AUH: variants seen among roughly 807,000 people sequenced by gnomAD.
AUH encodes AU RNA binding methylglutaconyl-CoA hydratase.
AUH carries 29 observed loss-of-function variants against 42.3 expected under a neutral mutation model. The observed-to-expected ratio is 0.69, with a 90% CI of 0.51 to 0.93. The LOEUF (loss-of-function observed/expected upper bound fraction) is 0.93. Among genes scored for constraint, AUH ranks in the 40% least tolerant of loss-of-function variants. The probability of loss-of-function intolerance (pLI) is 0.00; values close to 1 mark genes in which losing one functional copy is unlikely to be tolerated. For missense variants in AUH, 452 were observed against 438.1 expected (o/e 1.03, Z -0.28); for synonymous variants, 174 against 166.4 (o/e 1.05, Z -0.35).
intron 3 of AUH, among the ~76,000 whole-genome samples, chr9:91,333,598 G>A (rs1050551481): frequency 5.9e-5 from 9 of 152,156 alleles, no homozygotes; most frequent in African/African-American, 2.2e-4. Context: ...ATTCATGAAT[G>A]AGTATTATTT....
At chr9:91,315,319 T>C (rs980254116) in intron 4 of AUH, among the ~76,000 whole-genome samples, 1 of 152,154 alleles carries the variant, frequency 6.6e-6, no homozygotes, top group African/African-American at 2.4e-5. Flanking sequence ...TACACATGGG[T>C]CCCACGGAAA....
intron 6 of AUH, among the ~76,000 whole-genome samples, chr9:91,264,533 T>C (rs939332161): frequency 1.3e-5 from 2 of 152,234 alleles, no homozygotes; most frequent in Non-Finnish European, 2.9e-5. Flanking sequence ...TGCAATTAGG[T>C]TGGTTCCTCT....
At chr9:91,357,029 T>G (rs1469458495) in intron 1 of AUH, among the ~76,000 whole-genome samples, 1 of 152,232 alleles carries the variant, frequency 6.6e-6, no homozygotes, top group Non-Finnish European at 1.5e-5. Flanking sequence ...TGCAAGAAAC[T>G]GTGCAGACCC....
At chr9:91,219,598 A>G (rs936806375) in intron 7 of AUH, among the ~76,000 whole-genome samples, 1 of 152,216 alleles carries the variant, frequency 6.6e-6, no homozygotes, top group African/African-American at 2.4e-5. Context: ...TACTGAATGT[A>G]TGGCTCTGCA....
intron 6 of AUH, among the ~76,000 whole-genome samples, chr9:91,265,596 G>T (rs1829932802): frequency 6.6e-6 from 1 of 152,094 alleles, no homozygotes; most frequent in South Asian, 2.1e-4. Context: ...CCTTAAGGGG[G>T]AATTCTGAAC....
At chr9:91,340,258 T>C (rs920736388) in intron 3 of AUH, among the ~76,000 whole-genome samples, 1 of 152,118 alleles carries the variant, frequency 6.6e-6, no homozygotes, top group Non-Finnish European at 1.5e-5. Flanking sequence ...AGATACCTAA[T>C]AGGCATGTGT....
At chr9:91,219,328 ACCTTTCTTAAACACACC>A (rs1827003584) in intron 7 of AUH, among the ~76,000 whole-genome samples, 1 of 152,188 alleles carries the variant, frequency 6.6e-6, no homozygotes, top group African/African-American at 2.4e-5. Flanking sequence ...CTGTGTCATA[ACCTTTCTTAAACACACC>A]CCTTTCTTTC....
intron 6 of AUH, among the ~76,000 whole-genome samples, chr9:91,240,436 T>C (rs1210703303): frequency 6.6e-6 from 1 of 152,108 alleles, no homozygotes; most frequent in South Asian, 2.1e-4. Context: ...ACCAATCAAC[T>C]CTCTCTCCTT....
At position 91,226,179 on chromosome 9, in the gene AUH, T is replaced by G. The variant is rs2131255294; in HGVS notation, c.656-5187A>C. The stretch of plus-strand genomic sequence containing the variant: ...TACAGTCCCACCAACAGTGTAAAAG[T>G]GTTCCCATTTCTCCACATCCTCTCC... On this transcript the variant is annotated intron_variant, in intron 6 of 9. Coordinates refer to ENST00000375731, the MANE Select transcript of AUH (RefSeq NM_001698.3). Among the ~76,000 whole-genome samples the G allele has an allele frequency of 2.0e-5, 3 of 151,378 alleles. No homozygotes were observed. The South Asian group carries it at 6.3e-4, about 32-fold the overall frequency.
At chr9:91,308,658 A>G (rs1341820026) in intron 4 of AUH, among the ~76,000 whole-genome samples, 1 of 152,222 alleles carries the variant, frequency 6.6e-6, no homozygotes, top group Non-Finnish European at 1.5e-5. Context: ...GCTACATTAC[A>G]TATTTTTAGA....
chr9:91,275,173 C>T (rs1302823365), intron 6 of AUH, among the ~76,000 whole-genome samples: 1 of 152,154 alleles, frequency 6.6e-6, no homozygotes, highest in African/African-American at 2.4e-5. Flanking sequence ...CATGACCACT[C>T]TTGCACTTAA....
chr9:91,240,313 G>A (rs1009395743), intron 6 of AUH, among the ~76,000 whole-genome samples: 13 of 152,146 alleles, frequency 8.5e-5, no homozygotes, highest in Admixed American at 5.2e-4. Context: ...CTGTCTTGAG[G>A]CTGTGAACTC....
chr9:91,281,311 C>A (rs1224520262), intron 6 of AUH, among the ~76,000 whole-genome samples: 1 of 151,886 alleles, frequency 6.6e-6, no homozygotes, highest in Non-Finnish European at 1.5e-5. Context: ...GCAATTCAGT[C>A]CATCCAGTTT....
At chr9:91,318,317 T>A (rs1829312562) in intron 4 of AUH, among the ~76,000 whole-genome samples, 1 of 152,256 alleles carries the variant, frequency 6.6e-6, no homozygotes, top group Non-Finnish European at 1.5e-5. Context: ...AAACTGCTTT[T>A]AGAAATTTTT....
intron 6 of AUH, 148 bp from the exon 7 acceptor site, chr9:91,221,140 A>G: frequency 1.1e-6 from 1 of 877,066 alleles, no homozygotes; most frequent in Non-Finnish European, 1.7e-6. Flanking sequence ...TCAGAACAGA[A>G]TCTAATTTCT....
chr9:91,319,005 T>C (rs1255187260), intron 4 of AUH, among the ~76,000 whole-genome samples: 1 of 152,270 alleles, frequency 6.6e-6, no homozygotes, highest in East Asian at 1.9e-4. Flanking sequence ...TGATTTCTTC[T>C]TGAGACAGAA....
At chr9:91,247,148 G>A (rs1828842053) in intron 6 of AUH, among the ~76,000 whole-genome samples, 1 of 152,080 alleles carries the variant, frequency 6.6e-6, no homozygotes, top group South Asian at 2.1e-4. Context: ...CTCTCTCACT[G>A]CACATGGCTG....
At position 91,315,796 on chromosome 9, in the gene AUH, C is replaced by T. The variant is rs139384735; in HGVS notation, c.505+9522G>A. Among the ~76,000 whole-genome samples, 436 of 152,294 alleles carry T rather than the reference C, an allele frequency of 2.9e-3. 2 individuals are homozygous for T. Among genetic ancestry groups the T allele is most frequent in the African/African-American group, 9.6e-3 (401 of 41,560 alleles). On this transcript the variant is annotated intron_variant, in intron 4 of 9. Coordinates refer to ENST00000375731, the MANE Select transcript of AUH (RefSeq NM_001698.3). Reference sequence around the variant, plus strand: ...GTCAGAACTAACACCTGTCTGCCACCGAGCTCTTCAACTATCCTTCCACCT... The same window carrying T: ...GTCAGAACTAACACCTGTCTGCCACTGAGCTCTTCAACTATCCTTCCACCT...
intron 1 of AUH, 115 bp from the exon 2 acceptor site, chr9:91,356,270 C>T: frequency 1.2e-6 from 1 of 840,828 alleles, no homozygotes; most frequent in Non-Finnish European, 2.0e-6. Flanking sequence ...AAATTCATGA[C>T]ATCACGTTCC....
Sources: allele counts gnomAD v4.1 joint callset (sites outside exome capture counted in the v4.1 genomes callset), GRCh38; gene constraint gnomAD v4.1.1; transcripts MANE v1.5; gene names NCBI Gene and HGNC (gene_info 2026-07-23, HGNC 2026-07-21).